SIPA1L3: variants seen among roughly 807,000 people sequenced by gnomAD.
SIPA1L3 encodes signal induced proliferation associated 1 like 3.
SIPA1L3 carries 59 observed loss-of-function variants against 150.1 expected under a neutral mutation model. The observed-to-expected ratio is 0.39, with a 90% CI of 0.32 to 0.49. The LOEUF is 0.49. Among genes scored for constraint, SIPA1L3 ranks in the 20% least tolerant of loss-of-function variants. SIPA1L3 has a pLI of 0.86. For missense variants in SIPA1L3, 2,211 were observed against 2,489.5 expected (o/e 0.89, Z 2.38); for synonymous variants, 1,070 against 1,077.6 (o/e 0.99, Z 0.14).
At chr19:37,982,450 G>A (rs775163751) in intron 1 of SIPA1L3, among the ~76,000 whole-genome samples, 7 of 152,190 alleles carry the variant, frequency 4.6e-5, no homozygotes, top group African/African-American at 7.2e-5. Flanking sequence ...TTCTTCCAGC[G>A]TTCACCATGT....
chr19:38,035,694 C>T (rs552056459), intron 2 of SIPA1L3, among the ~76,000 whole-genome samples: 78 of 151,710 alleles, frequency 5.1e-4, no homozygotes, highest in Middle Eastern at 3.4e-3. Context: ...GTACCTGGCA[C>T]GAGAAGTCGC....
intron 12 of SIPA1L3, among the ~76,000 whole-genome samples, chr19:38,145,006 G>A (rs575525874): frequency 2.0e-5 from 3 of 152,132 alleles, no homozygotes; most frequent in Non-Finnish European, 4.4e-5. Context: ...GAGAGGAATC[G>A]GGTGTGTGCG....
chr19:37,942,620 C>T (rs187523423), intron 1 of SIPA1L3, among the ~76,000 whole-genome samples: 16 of 151,576 alleles, frequency 1.1e-4, no homozygotes, highest in Admixed American at 2.6e-4. Context: ...CCTCTGGCTA[C>T]GGCGTGGAGC....
At chr19:37,969,703 G>A (rs539004355) in intron 1 of SIPA1L3, among the ~76,000 whole-genome samples, 1 of 152,096 alleles carries the variant, frequency 6.6e-6, no homozygotes, top group South Asian at 2.1e-4. Flanking sequence ...ACTTTCCTCC[G>A]GCCTTTGTGT....
chr19:38,072,577 GGTT>G (rs1969747728), intron 2 of SIPA1L3, among the ~76,000 whole-genome samples: 1 of 152,206 alleles, frequency 6.6e-6, no homozygotes, highest in Non-Finnish European at 1.5e-5. Context: ...TCAGACTTAG[GGTT>G]AAAGGGAAAA....
At chr19:37,920,960 A>T (rs924192805) in intron 1 of SIPA1L3, among the ~76,000 whole-genome samples, 1 of 152,146 alleles carries the variant, frequency 6.6e-6, no homozygotes, top group Non-Finnish European at 1.5e-5. Context: ...GACTTGTTTC[A>T]ACAAAAAGCC....
intron 2 of SIPA1L3, among the ~76,000 whole-genome samples, chr19:38,061,961 A>C (rs139287003): frequency 1.3e-5 from 2 of 151,476 alleles, no homozygotes; most frequent in East Asian, 3.9e-4. Context: ...CTGGAGATAG[A>C]CCAGTGAATG....
chr19:37,929,503 G>C (rs2046534339), intron 1 of SIPA1L3, among the ~76,000 whole-genome samples: 1 of 152,202 alleles, frequency 6.6e-6, no homozygotes, highest in African/African-American at 2.4e-5. Flanking sequence ...CAAGAACTCT[G>C]AATCTTGTTG....
intron 1 of SIPA1L3, among the ~76,000 whole-genome samples, chr19:37,945,298 G>C (rs577732560): frequency 6.6e-6 from 1 of 151,734 alleles, no homozygotes; most frequent in Non-Finnish European, 1.5e-5. Flanking sequence ...GCAGTGGTGC[G>C]ATCTCGGCTC....
chr19:37,990,124 T>A (rs1404957035), intron 1 of SIPA1L3, among the ~76,000 whole-genome samples: 2 of 152,064 alleles, frequency 1.3e-5, no homozygotes, highest in East Asian at 3.9e-4. Context: ...TCAGCTCCTG[T>A]TTCTGCCCTA....
intron 1 of SIPA1L3, among the ~76,000 whole-genome samples, chr19:37,981,667 G>A (rs546011748): frequency 1.8e-4 from 28 of 152,180 alleles, no homozygotes; most frequent in African/African-American, 5.5e-4. Flanking sequence ...TAGCAGCGTC[G>A]CCATCATTTC....
rs558000322 is a variant in SIPA1L3 at position 38,197,015 on chromosome 19, C to T, written c.4841-1374C>T. ...TGTGGAAAGCACGTAGTGTATACCT[C>T]ATATGTAGTCAGCACTGAGTAGTAC... On this transcript the variant is annotated intron_variant, in intron 18 of 21. Coordinates refer to ENST00000222345, the MANE Select transcript of SIPA1L3 (RefSeq NM_015073.3). Among the ~76,000 whole-genome samples the T allele has an allele frequency of 2.6e-5, 4 of 152,282 alleles. No individual in the cohort carries two copies. In the South Asian group the frequency reaches 8.3e-4, roughly 32 times the overall value.
chr19:38,124,408 G>T (rs1971118746), intron 9 of SIPA1L3, among the ~76,000 whole-genome samples: 1 of 148,810 alleles, frequency 6.7e-6, no homozygotes, highest in African/African-American at 2.6e-5. Context: ...ACGATGGGCG[G>T]CCGGGCAGAG....
Position 37,923,687 on chromosome 19 carries a change from A to G in SIPA1L3, c.-379+16329A>G, listed in dbSNP as rs142828831. 5.2e-3 allele frequency among the ~76,000 whole-genome samples: 784 copies of G among 152,204 alleles called. 6 individuals are homozygous for G. The highest frequency in any genetic ancestry group is 0.018 in the African/African-American group (759 of 41,558). ...ATTTATTTTAAAAAATGTTTCCTCA[A>G]TAATACATTAACCGTAGCTTACTGC... On this transcript the variant is annotated intron_variant, in intron 1 of 21. Transcript: ENST00000222345.
At chr19:38,126,099 G>T (rs533622238) in intron 9 of SIPA1L3, among the ~76,000 whole-genome samples, 1 of 152,034 alleles carries the variant, frequency 6.6e-6, no homozygotes, top group African/African-American at 2.4e-5. Context: ...GCGTGAACCC[G>T]GGAGGCGGAG....
At chr19:37,992,326 GCAGT>G (rs1420084678) in intron 1 of SIPA1L3, among the ~76,000 whole-genome samples, 1 of 152,178 alleles carries the variant, frequency 6.6e-6, no homozygotes. Flanking sequence ...TTGAGGCCTA[GCAGT>G]CAGGCAAGGA....
intron 9 of SIPA1L3, among the ~76,000 whole-genome samples, chr19:38,122,122 G>A (rs1015256313): frequency 6.6e-6 from 1 of 152,034 alleles, no homozygotes; most frequent in Non-Finnish European, 1.5e-5. Flanking sequence ...TCGGGAGGCC[G>A]AGGGAAAAGA....
intron 12 of SIPA1L3, among the ~76,000 whole-genome samples, 166 bp from the exon 13 acceptor site, chr19:38,152,674 G>A (rs983929587): frequency 2.6e-5 from 4 of 152,134 alleles, no homozygotes; most frequent in Non-Finnish European, 4.4e-5. Context: ...CTAATAGCAC[G>A]TTTCCAGGCT....
intron 8 of SIPA1L3, among the ~76,000 whole-genome samples, chr19:38,118,724 G>C (rs1022516001): frequency 6.6e-6 from 1 of 151,852 alleles, no homozygotes; most frequent in African/African-American, 2.4e-5. Flanking sequence ...AGTACAGACG[G>C]GGCTTTACCA....
Sources: allele counts gnomAD v4.1 joint callset (sites outside exome capture counted in the v4.1 genomes callset), GRCh38; gene constraint gnomAD v4.1.1; transcripts MANE v1.5; gene names NCBI Gene and HGNC (gene_info 2026-07-23, HGNC 2026-07-21).